Variants in HDAC4 observed in about 807,000 individuals in gnomAD.
The protein encoded by HDAC4 is histone deacetylase 4.
HDAC4 carries 16 observed loss-of-function variants against 135.1 expected under a neutral mutation model. That is an observed-to-expected ratio of 0.12 (90% confidence interval 0.08 to 0.18). The LOEUF is 0.18. HDAC4 is among the 10% of genes least tolerant of loss of function. The pLI is 1.00. For missense variants in HDAC4, 1,143 were observed against 1,511.8 expected (o/e 0.76, Z 4.05); for synonymous variants, 685 against 653.4 (o/e 1.05, Z -0.74).
At chr2:239,304,781 C>T (rs1405774362) in intron 2 of HDAC4, among the ~76,000 whole-genome samples, 1 of 152,172 alleles carries the variant, frequency 6.6e-6, no homozygotes, top group Admixed American at 6.5e-5. Flanking sequence ...AGGAATGACA[C>T]GCTATGGACG....
chr2:239,079,240 T>A (rs62189538), intron 22 of HDAC4, among the ~76,000 whole-genome samples: 62,519 of 152,114 alleles, frequency 0.41, 13,367 homozygotes, highest in Admixed American at 0.54. Flanking sequence ...AGGCAGGGCA[T>A]CTGTCAACAT....
intron 22 of HDAC4, among the ~76,000 whole-genome samples, chr2:239,071,590 C>A (rs935246940): frequency 5.9e-5 from 9 of 152,072 alleles, no homozygotes; most frequent in Non-Finnish European, 7.4e-5. Context: ...TTTACTCCTG[C>A]TTGACCAGCC....
rs2052769303 is a variant in HDAC4 at position 239,309,476 on chromosome 2, C to T, written c.22+43202G>A. Among the ~76,000 whole-genome samples the T allele has an allele frequency of 6.6e-6, 1 of 152,244 alleles. No homozygotes were observed. Among genetic ancestry groups the T allele is most frequent in the African/African-American group, 2.4e-5 (1 of 41,472 alleles). ...ACCCCGCCTTCTCAGCCACCTCTCA[C>T]TAACACTCAGCTCCACTCCTGCTTC... is the stretch of plus-strand genomic sequence containing the variant. On this transcript the variant is annotated intron_variant, in intron 2 of 26. Coordinates refer to ENST00000543185, the MANE Select transcript of HDAC4 (RefSeq NM_001378414.1). This position sits in a 1 kb window ranked among gnomAD's most constrained non-coding sequence, Gnocchi z 4.2.
At chr2:239,235,440 A>G (rs903177404) in intron 3 of HDAC4, among the ~76,000 whole-genome samples, 18 of 152,244 alleles carry the variant, frequency 1.2e-4, no homozygotes, top group African/African-American at 4.3e-4. Context: ...AGGCGGCAGC[A>G]AAGGCTGACT....
At chr2:239,186,326 T>C (rs1417605646) in intron 4 of HDAC4, among the ~76,000 whole-genome samples, 1 of 152,244 alleles carries the variant, frequency 6.6e-6, no homozygotes, top group Non-Finnish European at 1.5e-5. Context: ...TAATTAGATT[T>C]TGTGTTCAAG....
intron 2 of HDAC4, among the ~76,000 whole-genome samples, chr2:239,341,583 T>G (rs1436267175): frequency 2.6e-5 from 4 of 152,146 alleles, no homozygotes; most frequent in African/African-American, 4.8e-5. Flanking sequence ...CAGAACAGAC[T>G]CCACATCCTT....
intron 7 of HDAC4, among the ~76,000 whole-genome samples, chr2:239,148,472 C>G (rs919456663): frequency 3.3e-5 from 5 of 152,170 alleles, no homozygotes; most frequent in Admixed American, 6.5e-5. Flanking sequence ...AAGAATCCCC[C>G]ACCTGCGGGA....
chr2:239,064,930 C>G (rs571391061), intron 24 of HDAC4, among the ~76,000 whole-genome samples: 1 of 152,248 alleles, frequency 6.6e-6, no homozygotes, highest in African/African-American at 2.4e-5. Context: ...CCTCCCTCTG[C>G]ATTTTCCAGA....
At chr2:239,387,959 A>G (rs923454398) in intron 1 of HDAC4, among the ~76,000 whole-genome samples, 4 of 152,100 alleles carry the variant, frequency 2.6e-5, no homozygotes, top group African/African-American at 9.7e-5. Flanking sequence ...TTGGGGCCGC[A>G]GTGGCCACAG....
At chr2:239,069,347 G>T (rs528039250) in intron 22 of HDAC4, among the ~76,000 whole-genome samples, 489 of 23,250 alleles carry the variant, frequency 0.021, no homozygotes, top group South Asian at 0.035. Flanking sequence ...TGCACTTGCT[G>T]GGTGAGAGGG....
intron 1 of HDAC4, among the ~76,000 whole-genome samples, chr2:239,399,133 T>C (rs1039423758): frequency 1.3e-5 from 2 of 152,168 alleles, no homozygotes; most frequent in African/African-American, 2.4e-5. Flanking sequence ...GAAAGCCCGA[T>C]CAGTCTTAAA....
intron 3 of HDAC4, among the ~76,000 whole-genome samples, chr2:239,227,891 T>C (rs291337): frequency 0.55 from 83,771 of 152,094 alleles, 25,018 homozygotes; most frequent in South Asian, 0.78. Context: ...GGCCCTCTGC[T>C]AGGTCTCCCA....
chr2:239,184,383 C>G (rs1352010796), intron 4 of HDAC4, among the ~76,000 whole-genome samples: 1 of 142,954 alleles, frequency 7.0e-6, no homozygotes, highest in East Asian at 2.2e-4. Context: ...GAGGGGGGGT[C>G]CCCCAGTGTC....
At chr2:239,179,516 T>G (rs1233874353) in intron 4 of HDAC4, among the ~76,000 whole-genome samples, 1 of 152,052 alleles carries the variant, frequency 6.6e-6, no homozygotes, top group African/African-American at 2.4e-5. Flanking sequence ...TCTGAGGTGG[T>G]GGAAGTTTCA....
intron 24 of HDAC4, among the ~76,000 whole-genome samples, chr2:239,061,233 G>T (rs1028757250): frequency 1.3e-5 from 2 of 151,898 alleles, no homozygotes; most frequent in East Asian, 1.9e-4. Context: ...GTGTGTGCAC[G>T]TGAGACTGTG....
chr2:239,134,575 T>C lies in HDAC4; in HGVS notation c.1047A>G (p.Pro349=), dbSNP rs1323869731. 1 of 1,614,048 alleles carries C rather than the reference T, an allele frequency of 6.2e-7. No individual in the cohort carries two copies. The highest frequency in any genetic ancestry group is 8.5e-7 in the Non-Finnish European group (1 of 1,180,028). Residue 349 remains proline, a synonymous_variant, in exon 10 of 27, where the codon CCA becomes CCG. Transcript: ENST00000543185. The stretch of plus-strand genomic sequence containing the variant: ...GGCCCAGCGTGATGTTGGGCAAGGA[T>C]GGCGATGTGTAGAGGGGAAGTGGAG... ...SAAPLPLYTS[P]SLPNITLGLP...
intron 2 of HDAC4, among the ~76,000 whole-genome samples, chr2:239,318,129 G>A (rs2053180928): frequency 6.6e-6 from 1 of 152,154 alleles, no homozygotes; most frequent in African/African-American, 2.4e-5. Context: ...TCGGGGAGTA[G>A]CAGGCTGTCT....
chr2:239,099,649 G>A (rs1369334838), intron 16 of HDAC4, among the ~76,000 whole-genome samples: 1 of 152,184 alleles, frequency 6.6e-6, no homozygotes, highest in Non-Finnish European at 1.5e-5. Context: ...TGCCGCCCTT[G>A]CCCTCTAGGG....
intron 2 of HDAC4, among the ~76,000 whole-genome samples, chr2:239,312,029 C>T (rs892398539): frequency 6.6e-6 from 1 of 152,196 alleles, no homozygotes; most frequent in African/African-American, 2.4e-5. Flanking sequence ...CACTAAAAGC[C>T]TTACCCAAAA....
Sources: gnomAD v4.1 joint callset for allele counts (sites outside exome capture counted in the v4.1 genomes callset) on GRCh38, gnomAD v4.1.1 for gene constraint, Gnocchi (gnomAD v3.1) non-coding constraint, MANE v1.5 for transcripts, NCBI Gene and HGNC (gene_info 2026-07-23, HGNC 2026-07-21) for gene names.